IST1: variants seen among roughly 807,000 people sequenced by gnomAD.
IST1 encodes the protein IST1 homolog.
In IST1, 23 loss-of-function variants were observed where a neutral mutation model predicts 37.0. The observed-to-expected ratio is 0.62, with a 90% CI of 0.45 to 0.88. The LOEUF (loss-of-function observed/expected upper bound fraction) is 0.88. IST1 is among the 40% of genes least tolerant of loss of function. The pLI, the probability that IST1 is intolerant of heterozygous loss-of-function variation, is 0.00. For synonymous variants in IST1, 180 were observed against 161.7 expected, an observed-to-expected ratio of 1.11 and a Z score of -0.86; for missense variants, 488 against 445.4, an observed-to-expected ratio of 1.10 and a Z score of -0.86.
rs1328623637 is a variant in IST1 at position 71,929,515 on chromosome 16, AAGCC to A, written c.*1704_*1707del. ...AAGTAGTAATACGCTAATAAATACT[AAGCC>A]AAGTAGGAGATAACAGGATTAAGGT... On this transcript the variant is annotated 3_prime_UTR_variant, in exon 10 of 10. Transcript: ENST00000378799. The A allele has an allele frequency of 2.0e-6, 3 of 1,538,256 alleles. No individual in the cohort carries two copies. The highest frequency in any genetic ancestry group is 1.8e-6 in the Non-Finnish European group (2 of 1,142,514).
rs2037786500 is a variant in IST1, at chr16:71,927,821, A to C, written c.*8A>C. The C allele has an allele frequency of 1.2e-6, 2 of 1,607,772 alleles. No individual in the cohort carries two copies. The highest frequency in any genetic ancestry group is 1.3e-5 in the African/African-American group (1 of 74,918). On this transcript the variant is annotated 3_prime_UTR_variant, in exon 10 of 10. Coordinates refer to ENST00000378799, the MANE Select transcript of IST1 (RefSeq NM_001270975.2). The stretch of plus-strand genomic sequence containing the variant: ...CTGAAAAAGAAAACATAGGTCTCTT[A>C]AACCAGGCAACTTTCACGTTTTGGG...
intron 8 of IST1, chr16:71,924,093 G>C (rs1331443544): frequency 1.5e-5 from 7 of 455,754 alleles, no homozygotes; most frequent in South Asian, 9.3e-5. Context: ...ATCTGTAGCT[G>C]ATGTGTTCTA....
chr16:71,909,487 T>C (rs1396885170), intron 1 of IST1, among the ~76,000 whole-genome samples: 2 of 152,232 alleles, frequency 1.3e-5, no homozygotes, highest in African/African-American at 4.8e-5. Context: ...TTCATGGTGC[T>C]GTGTACAAAT....
rs1303750220 is a variant in IST1 at position 71,928,717 on chromosome 16, C to G, written c.*904C>G. On this transcript the variant is annotated 3_prime_UTR_variant, in exon 10 of 10. Transcript: ENST00000378799. The stretch of plus-strand genomic sequence containing the variant: ...CTGTTTTCATTTGAAAACTTTGATT[C>G]ATGGAACCTTTAAAACTAATCTCAG... 6.6e-6 allele frequency: 1 copy of G among 152,484 alleles called. No homozygotes were observed. The highest frequency in any genetic ancestry group is 1.5e-5 in the Non-Finnish European group (1 of 68,044). The allele number at this position is 152,484 out of a possible 1,614,324, so 9.4% of individuals were successfully genotyped here. A position where few individuals can be genotyped will look rare whatever the true frequency, so the allele number is the denominator to read the frequency against.
chr16:71,895,886 C>A (rs568194426), intron 1 of IST1, among the ~76,000 whole-genome samples: 1 of 152,218 alleles, frequency 6.6e-6, no homozygotes, highest in South Asian at 2.1e-4. Context: ...GTCTTCCTGC[C>A]CCGAGGTGTG....
rs912387404 is a variant in IST1 at position 71,922,468 on chromosome 16, T to C, written c.553-6T>C. On this transcript the variant is annotated splice_region_variant and splice_polypyrimidine_tract_variant and intron_variant, in intron 6 of 9. Coordinates refer to ENST00000378799, the MANE Select transcript of IST1 (RefSeq NM_001270975.2). ...TTAATGACCTGGGTTTCTCTTTTTT[T>C]CTCAGGCAGAAGCTCCTCCTGGGGT... 40 of 1,613,312 alleles carry C rather than the reference T, an allele frequency of 2.5e-5. No individual in the cohort carries two copies. Among genetic ancestry groups the C allele is most frequent in the Non-Finnish European group, 3.1e-5 (37 of 1,179,532 alleles).
Position 71,921,236 on chromosome 16 carries a change from TCCCTCAA to T in IST1, c.442-106_442-100del, listed in dbSNP as rs1441854795. ...CATTTAACTGCTCTGAACCTTTTTT[TCCCTCAA>T]TATTACCTGTAAAATGAGAGGAGCT... On this transcript the variant is annotated intron_variant, in intron 5 of 9. Coordinates refer to ENST00000378799, the MANE Select transcript of IST1 (RefSeq NM_001270975.2). The T allele has an allele frequency of 2.3e-5, 16 of 703,058 alleles. No homozygotes were observed. The Admixed American group carries it at 2.3e-4, about 10-fold the overall frequency. The allele number at this position is 703,058 out of a possible 1,614,324, so 43.6% of individuals were successfully genotyped here.
At chr16:71,895,519 G>A (rs1397712609), upstream of IST1, 2 of 985,602 alleles carry the variant, frequency 2.0e-6, no homozygotes, top group East Asian at 1.1e-4. Flanking sequence ...TGCTGAGGCC[G>A]AGGGAGTCGC....
At chr16:71,905,815 C>T (rs1467019097) in intron 1 of IST1, among the ~76,000 whole-genome samples, 1 of 152,128 alleles carries the variant, frequency 6.6e-6, no homozygotes, top group Non-Finnish European at 1.5e-5. Context: ...TTATGTATTA[C>T]ATTTACATAC....
chr16:71,894,698 C>CTTTTT (rs35889170), upstream of IST1: 126 of 443,824 alleles, frequency 2.8e-4, 2 homozygotes, highest in South Asian at 9.4e-4. Flanking sequence ...TAATTTTTAA[C>CTTTTT]TTTTTTTTTT....
chr16:71,906,006 T>C (rs1487672001), intron 1 of IST1, among the ~76,000 whole-genome samples: 1 of 149,908 alleles, frequency 6.7e-6, no homozygotes, highest in Non-Finnish European at 1.5e-5. Context: ...GCAATTCTTT[T>C]TTTTTTTTTT....
chr16:71,909,722 C>G (rs2037309375), intron 1 of IST1, among the ~76,000 whole-genome samples: 1 of 152,100 alleles, frequency 6.6e-6, no homozygotes, highest in African/African-American at 2.4e-5. Context: ...TAGGATTATA[C>G]AAAATAGTAA....
In IST1 at chr16:71,923,304, T is replaced by G; in HGVS notation, c.776T>G (p.Leu259Arg). 1 of 1,609,672 alleles carries G rather than the reference T, an allele frequency of 6.2e-7. No individual in the cohort carries two copies. Among genetic ancestry groups the G allele is most frequent in the Non-Finnish European group, 8.5e-7 (1 of 1,176,648 alleles). ...CTCTTACAGTCAGATTTCAATGGAC[T>G]GCCAATGGGGACTTATCAGGCCTTT... ...LPKGPSDFNG[L>R]PMGTYQAFPN... The change falls in exon 8 of 10, where the codon CTG becomes CGG. Residue 259 changes from leucine to arginine, a missense_variant. Physicochemically the swap from Leu to Arg is moderately radical, Grantham distance 102 (BLOSUM62 -2). Coordinates refer to ENST00000378799, the MANE Select transcript of IST1 (RefSeq NM_001270975.2).
At chr16:71,924,449 G>T (rs999469248) in intron 8 of IST1, 18 of 470,284 alleles carry the variant, frequency 3.8e-5, no homozygotes, top group African/African-American at 3.1e-4. Context: ...AAATTGGCCA[G>T]GCATAGTGCT....
chr16:71,929,489 T>G lies in IST1; in HGVS notation c.*1676T>G. On this transcript the variant is annotated 3_prime_UTR_variant, in exon 10 of 10. Transcript: ENST00000378799. ...ATTTTAAAGCTATGCCATGCAAAGA[T>G]AAGTAGTAATACGCTAATAAATACT... 6.8e-7 allele frequency: 1 copy of G among 1,471,320 alleles called. No homozygotes were observed. Among genetic ancestry groups the G allele is most frequent in the Non-Finnish European group, 9.1e-7 (1 of 1,101,266 alleles). 91.1% of individuals were successfully genotyped at this position (1,471,320 alleles called of 1,614,324 possible).
chr16:71,908,296 CTTTTTTT>C (rs59849119), intron 1 of IST1, among the ~76,000 whole-genome samples: 48 of 76,832 alleles, frequency 6.2e-4, no homozygotes, highest in Non-Finnish European at 7.8e-4. Context: ...CTCGTTGTAG[CTTTTTTT>C]TTTTTTTTTT....
At chr16:71,912,859 C>T (rs1477749567) in intron 1 of IST1, among the ~76,000 whole-genome samples, 1 of 152,180 alleles carries the variant, frequency 6.6e-6, no homozygotes, top group Non-Finnish European at 1.5e-5. Flanking sequence ...ATTTGTTTTT[C>T]GTGACTGGCT....
intron 7 of IST1, chr16:71,923,054 C>T: frequency 6.4e-6 from 3 of 469,602 alleles, no homozygotes; most frequent in African/African-American, 4.0e-5. Flanking sequence ...TTAGAGTTTT[C>T]CCTTGTAAAC....
In IST1 at chr16:71,923,395, C is replaced by G. The variant is rs766166995; in HGVS notation, c.852+15C>G. 1.6e-5 allele frequency: 25 copies of G among 1,518,762 alleles called. No individual in the cohort carries two copies. Among genetic ancestry groups the G allele is most frequent in the Non-Finnish European group, 2.0e-5 (22 of 1,094,266 alleles). The allele number at this position is 1,518,762 out of a possible 1,614,324, so 94.1% of individuals were successfully genotyped here. A position where few individuals can be genotyped will look rare whatever the true frequency, so the allele number is the denominator to read the frequency against. ...CGTATGAATCTGTAAGTGCCTGAGC[C>G]TCTTTTATAAGCAACAGGAGAGTGA... On this transcript the variant is annotated intron_variant, in intron 8 of 9. Transcript: ENST00000378799.
Sources: gnomAD v4.1 joint callset for allele counts (sites outside exome capture counted in the v4.1 genomes callset) on GRCh38, gnomAD v4.1.1 for gene constraint, MANE v1.5 for transcripts, NCBI Gene and HGNC (gene_info 2026-07-23, HGNC 2026-07-21) for gene names.